SETBP1: variants seen among roughly 807,000 people sequenced by gnomAD.
The protein encoded by SETBP1 is SET-binding protein.
SETBP1 carries 9 observed loss-of-function variants against 101.0 expected under a neutral mutation model. That is an observed-to-expected ratio of 0.09 (90% CI 0.05 to 0.16). The LOEUF (loss-of-function observed/expected upper bound fraction) is 0.16. SETBP1 is among the 10% of genes least tolerant of loss of function. The pLI, the probability that SETBP1 is intolerant of heterozygous loss-of-function variation, is 1.00. For synonymous variants in SETBP1, 818 were observed against 788.5 expected (o/e 1.04, Z -0.63); for missense variants, 1,858 against 2,033.8 (o/e 0.91, Z 1.66).
chr18:44,884,994 G>A (rs1317438037), intron 3 of SETBP1, among the ~76,000 whole-genome samples: 1 of 152,146 alleles, frequency 6.6e-6, no homozygotes, highest in Non-Finnish European at 1.5e-5. Flanking sequence ...ACCCAGGAAT[G>A]ATCACCAATA....
chr18:44,933,033 T>A (rs1179617631), intron 3 of SETBP1, among the ~76,000 whole-genome samples: 2 of 152,326 alleles, frequency 1.3e-5, no homozygotes, highest in East Asian at 3.9e-4. Flanking sequence ...GGTGCTCTGA[T>A]TTTTAGAATT....
Position 44,754,224 on chromosome 18 carries a change from C to G in SETBP1, c.486+52392C>G, listed in dbSNP as rs546580934. Among the ~76,000 whole-genome samples, 4 of 152,282 alleles carry G rather than the reference C, an allele frequency of 2.6e-5. No individual in the cohort carries two copies. The East Asian group carries it at 7.7e-4, about 29-fold the overall frequency. ...AACCTTCTTAAGTGAGAGCTACTCT[C>G]TTTATGCATGTCATATTTAAATATA... is the stretch of plus-strand genomic sequence containing the variant. On this transcript the variant is annotated intron_variant, in intron 2 of 5. Transcript: ENST00000649279.
chr18:44,899,037 G>C (rs917146718), intron 3 of SETBP1, among the ~76,000 whole-genome samples: 2 of 152,100 alleles, frequency 1.3e-5, no homozygotes, highest in African/African-American at 4.8e-5. Context: ...GGAGATACTG[G>C]GTTCTAGTCT....
intron 4 of SETBP1, among the ~76,000 whole-genome samples, chr18:45,029,090 C>A (rs373434553): frequency 6.6e-6 from 1 of 152,158 alleles, no homozygotes; most frequent in African/African-American, 2.4e-5. Flanking sequence ...CTTGCCCATG[C>A]CTATGTCCTG....
intron 4 of SETBP1, chr18:44,987,953 T>G (rs1478488039): frequency 1.3e-5 from 2 of 152,202 alleles, no homozygotes; most frequent in Non-Finnish European, 2.9e-5. Context: ...TTCCCAGGCA[T>G]AGTTTCCAGA....
chr18:44,738,593 G>A (rs2070026467), intron 2 of SETBP1, among the ~76,000 whole-genome samples: 1 of 152,022 alleles, frequency 6.6e-6, no homozygotes, highest in Admixed American at 6.6e-5. Flanking sequence ...GCCCAACATG[G>A]TGAAACTCCA....
intron 1 of SETBP1, among the ~76,000 whole-genome samples, chr18:44,698,125 T>C (rs573361340): frequency 6.6e-6 from 1 of 152,330 alleles, no homozygotes; most frequent in East Asian, 1.9e-4. Context: ...AGATTAAGGC[T>C]ATTTGAAACT....
chr18:44,856,196 A>C (rs113118331), intron 2 of SETBP1, among the ~76,000 whole-genome samples: 1 of 152,154 alleles, frequency 6.6e-6, no homozygotes, highest in Non-Finnish European at 1.5e-5. Flanking sequence ...TTTCAAATGC[A>C]TAAAGGTAGA....
At chr18:45,038,993 A>T (rs1008557377) in intron 5 of SETBP1, among the ~76,000 whole-genome samples, 4 of 152,160 alleles carry the variant, frequency 2.6e-5, no homozygotes, top group Non-Finnish European at 5.9e-5. Context: ...TATATATGTT[A>T]TTTCTTGTAA....
At chr18:45,036,325 T>A (rs2145486603) in intron 4 of SETBP1, among the ~76,000 whole-genome samples, 1 of 139,438 alleles carries the variant, frequency 7.2e-6, no homozygotes, top group East Asian at 2.0e-4. Flanking sequence ...AGAGTGAGAC[T>A]CTGTCTCAAA....
chr18:45,032,235 A>C (rs1439223864), intron 4 of SETBP1, among the ~76,000 whole-genome samples: 1 of 152,126 alleles, frequency 6.6e-6, no homozygotes, highest in Non-Finnish European at 1.5e-5. Flanking sequence ...TCCCACTGAG[A>C]TCTCATTTGC....
intron 2 of SETBP1, among the ~76,000 whole-genome samples, chr18:44,722,985 T>A (rs938943355): frequency 6.6e-6 from 1 of 152,212 alleles, no homozygotes; most frequent in African/African-American, 2.4e-5. Context: ...CAATAACTAA[T>A]TGTATGACAT....
At position 44,952,239 on chromosome 18, in the gene SETBP1, T is replaced by C; in HGVS notation, c.2899T>C (p.Phe967Leu). ...GGAGCTAATCACCAAGTTCCAAGTG[T>C]TCAGAATCTCCCACCGGAGTTACAC... ...LEELITKFQV[F>L]RISHRSYTFY... Residue 967 changes from phenylalanine to leucine, a missense_variant, in exon 4 of 6, where the codon TTC (phenylalanine) becomes CTC (leucine). By Grantham distance (22) the Phe-to-Leu change is conservative. This residue lies in a region of SETBP1 where 255 missense variants were observed against 300.1 expected (regional missense o/e 0.85). Transcript: ENST00000649279. 6.2e-7 allele frequency: 1 copy of C among 1,614,092 alleles called. No individual in the cohort carries two copies. Among genetic ancestry groups the C allele is most frequent in the Non-Finnish European group, 8.5e-7 (1 of 1,180,012 alleles).
chr18:44,855,914 G>C (rs752641513), intron 2 of SETBP1, among the ~76,000 whole-genome samples: 10 of 152,210 alleles, frequency 6.6e-5, no homozygotes, highest in Non-Finnish European at 1.3e-4. Flanking sequence ...AAGGATCAGA[G>C]GCTGGCTACT....
intron 4 of SETBP1, among the ~76,000 whole-genome samples, chr18:45,003,686 GGA>G (rs1491299585): frequency 7.9e-6 from 1 of 126,298 alleles, no homozygotes; most frequent in Non-Finnish European, 1.7e-5. Context: ...TAATGTCATG[GGA>G]AAAAAAAAAA....
intron 3 of SETBP1, among the ~76,000 whole-genome samples, chr18:44,912,483 T>G (rs545761593): frequency 9.9e-5 from 15 of 151,960 alleles, no homozygotes; most frequent in Middle Eastern, 3.4e-3. Flanking sequence ...AAACTTTTTG[T>G]TTTTTTTGTT....
At chr18:44,831,314 C>A (rs1248974426) in intron 2 of SETBP1, among the ~76,000 whole-genome samples, 1 of 152,192 alleles carries the variant, frequency 6.6e-6, no homozygotes, top group Non-Finnish European at 1.5e-5. Context: ...TAAAACCAGA[C>A]ATGTGATTAA....
intron 4 of SETBP1, among the ~76,000 whole-genome samples, chr18:44,983,022 C>T (rs8096372): frequency 0.21 from 32,262 of 152,016 alleles, 3,811 homozygotes; most frequent in East Asian, 0.54. Flanking sequence ...GAGAAGTCAC[C>T]GAAAACCCCT....
intron 4 of SETBP1, among the ~76,000 whole-genome samples, chr18:44,981,512 C>T (rs1050210373): frequency 6.6e-6 from 1 of 152,212 alleles, no homozygotes; most frequent in Non-Finnish European, 1.5e-5. Flanking sequence ...GGACTTGACA[C>T]CTTTGTCAAT....
Sources: allele counts gnomAD v4.1 joint callset (sites outside exome capture counted in the v4.1 genomes callset), GRCh38; gene constraint gnomAD v4.1.1; regional missense constraint gnomAD v4.1.1; transcripts MANE v1.5; gene names NCBI Gene and HGNC (gene_info 2026-07-23, HGNC 2026-07-21).